Variants in TTC39C observed in about 807,000 individuals in gnomAD.
The protein encoded by TTC39C is tetratricopeptide repeat protein 39C.
TTC39C carries 33 observed loss-of-function variants against 76.3 expected under a neutral mutation model. That is an observed-to-expected ratio of 0.43 (90% CI 0.33 to 0.58). The LOEUF is 0.58. TTC39C is among the 20% of genes least tolerant of loss of function. The pLI is 0.04. For missense variants in TTC39C, 595 were observed against 701.4 expected, an observed-to-expected ratio of 0.85 and a Z score of 1.71; for synonymous variants, 254 against 260.6, an observed-to-expected ratio of 0.97 and a Z score of 0.24.
chr18:24,117,841 G>C (rs1251188375), intron 7 of TTC39C, among the ~76,000 whole-genome samples: 1 of 152,136 alleles, frequency 6.6e-6, no homozygotes, highest in Non-Finnish European at 1.5e-5. Context: ...CCTCACGACT[G>C]TTAGGACGTA....
intron 1 of TTC39C, among the ~76,000 whole-genome samples, chr18:24,049,734 C>T (rs963578394): frequency 8.5e-5 from 13 of 152,178 alleles, no homozygotes; most frequent in Admixed American, 7.9e-4. Context: ...GGCGGGAACC[C>T]TCACACCCAA....
intron 6 of TTC39C, among the ~76,000 whole-genome samples, chr18:24,088,703 C>G (rs2084478133): frequency 6.6e-6 from 1 of 152,226 alleles, no homozygotes; most frequent in African/African-American, 2.4e-5. Flanking sequence ...GTGCTTCCCC[C>G]AAACCCTCTC....
chr18:24,044,348 C>T (rs959824629), intron 1 of TTC39C, among the ~76,000 whole-genome samples: 2 of 152,136 alleles, frequency 1.3e-5, no homozygotes, highest in Non-Finnish European at 2.9e-5. Context: ...AAGTGAGAAG[C>T]CATGCTAGCG....
At chr18:23,997,865 C>A (rs576559480) in intron 1 of TTC39C, among the ~76,000 whole-genome samples, 22 of 147,550 alleles carry the variant, frequency 1.5e-4, no homozygotes, top group Middle Eastern at 6.9e-3. Context: ...CAGAGTGAGA[C>A]CCCGTCTGAA....
chr18:24,003,652 G>A (rs1599224168), intron 1 of TTC39C, among the ~76,000 whole-genome samples: 2 of 151,058 alleles, frequency 1.3e-5, no homozygotes, highest in East Asian at 3.9e-4. Context: ...TATTTTTATG[G>A]CCCTTGTATG....
upstream of TTC39C, among the ~76,000 whole-genome samples, chr18:24,011,248 A>G (rs1299682973): frequency 6.6e-6 from 1 of 152,202 alleles, no homozygotes; most frequent in East Asian, 1.9e-4. Flanking sequence ...GCATAATCCA[A>G]TTAGCATGAT....
Position 24,082,928 on chromosome 18 carries a change from G to T in TTC39C, c.831G>T (p.Trp277Cys). The T allele has an allele frequency of 6.2e-7, 1 of 1,612,670 alleles. No homozygotes were observed. Among genetic ancestry groups the T allele is most frequent in the South Asian group, 1.1e-5 (1 of 90,878 alleles). The change falls in exon 6 of 14, where the codon TGG becomes TGT. Residue 277 changes from tryptophan to cysteine, a missense_variant. Trp to Cys is a radical substitution (Grantham distance 215). Coordinates refer to ENST00000317571, the MANE Select transcript of TTC39C (RefSeq NM_001135993.2). ...CTTCCTCTAGATTAGCTCTGCTCTG[G>T]TATCATACTGTAGTCCGCCCGTTTT... The part of the protein sequence containing the change: ...KAPLATLALL[W>C]YHTVVRPFFA...
intron 6 of TTC39C, among the ~76,000 whole-genome samples, chr18:24,086,769 A>G (rs1371648245): frequency 1.3e-5 from 2 of 152,124 alleles, no homozygotes; most frequent in Non-Finnish European, 2.9e-5. Flanking sequence ...GACTCCTCCC[A>G]TGTGACTTAC....
chr18:24,034,705 A>G (rs1438349280), intron 1 of TTC39C, among the ~76,000 whole-genome samples: 4 of 152,084 alleles, frequency 2.6e-5, no homozygotes, highest in Non-Finnish European at 4.4e-5. Context: ...TGTGATAGGT[A>G]CCTCTTATAA....
chr18:24,034,569 C>A (rs2083710806), intron 1 of TTC39C, among the ~76,000 whole-genome samples: 1 of 152,160 alleles, frequency 6.6e-6, no homozygotes, highest in African/African-American at 2.4e-5. Context: ...ACAGCCATCA[C>A]CAGCATCCAT....
rs573167943 is a variant in TTC39C at position 24,089,717 on chromosome 18, T to A, written c.984+6636T>A. The stretch of plus-strand genomic sequence containing the variant: ...TGTGCCTAAGAGGATGAGCTTTCCC[T>A]TGCCTACATGGTCCTAAGGGTAGGG... On this transcript the variant is annotated intron_variant, in intron 6 of 13. Coordinates refer to ENST00000317571, the MANE Select transcript of TTC39C (RefSeq NM_001135993.2). 2.0e-5 allele frequency among the ~76,000 whole-genome samples: 3 copies of A among 152,294 alleles called. No homozygotes were observed. The South Asian group carries it at 6.2e-4, about 32-fold the overall frequency.
intron 6 of TTC39C, among the ~76,000 whole-genome samples, chr18:24,099,005 A>ATGTG (rs71373362): frequency 0.38 from 48,790 of 130,066 alleles, 9,965 homozygotes; most frequent in Non-Finnish European, 0.46. Context: ...AGTTAGAGGA[A>ATGTG]TGTGTGTGTG....
At chr18:24,108,701 G>T (rs1440312867) in intron 6 of TTC39C, among the ~76,000 whole-genome samples, 1 of 152,194 alleles carries the variant, frequency 6.6e-6, no homozygotes, top group Non-Finnish European at 1.5e-5. Flanking sequence ...GTCACCTGTA[G>T]TTAGTTGCTC....
At chr18:24,001,888 C>G (rs1483917675) in intron 1 of TTC39C, among the ~76,000 whole-genome samples, 1 of 136,174 alleles carries the variant, frequency 7.3e-6, no homozygotes, top group Non-Finnish European at 1.5e-5. Flanking sequence ...TGCAGTGGCG[C>G]AATCTCGGCT....
At chr18:24,095,800 C>T (rs2084581532) in intron 6 of TTC39C, among the ~76,000 whole-genome samples, 1 of 152,188 alleles carries the variant, frequency 6.6e-6, no homozygotes, top group Non-Finnish European at 1.5e-5. Flanking sequence ...TTCAACATGC[C>T]TTCCTCATTA....
intron 1 of TTC39C, among the ~76,000 whole-genome samples, chr18:24,061,226 C>CT (rs1220887860): frequency 0.052 from 7,208 of 139,396 alleles, 313 homozygotes; most frequent in African/African-American, 0.13. Context: ...ATTTAGTCTT[C>CT]TTTTTTTTTT....
At chr18:24,098,192 A>T (rs938783043) in intron 6 of TTC39C, among the ~76,000 whole-genome samples, 3 of 152,096 alleles carry the variant, frequency 2.0e-5, no homozygotes, top group South Asian at 2.1e-4. Context: ...GTCACTGAGG[A>T]TATGTCTTCA....
chr18:24,014,570 A>C, upstream of TTC39C: 1 of 237,852 alleles, frequency 4.2e-6, no homozygotes, highest in Non-Finnish European at 7.9e-6. Flanking sequence ...CCGGAAACGG[A>C]TTCCGCTTCG....
intron 6 of TTC39C, among the ~76,000 whole-genome samples, chr18:24,087,350 T>A (rs949682427): frequency 4.6e-5 from 7 of 152,190 alleles, no homozygotes; most frequent in African/African-American, 1.7e-4. Flanking sequence ...TACACAACTT[T>A]TTTCTCTTTC....
Sources: gnomAD v4.1 joint callset for allele counts (sites outside exome capture counted in the v4.1 genomes callset) on GRCh38, gnomAD v4.1.1 for gene constraint, MANE v1.5 for transcripts, NCBI Gene and HGNC (gene_info 2026-07-23, HGNC 2026-07-21) for gene names.